TNIP3: variants seen among roughly 807,000 people sequenced by gnomAD.
TNIP3 encodes TNFAIP3 interacting protein 3.
In TNIP3, 34 loss-of-function variants were observed where a neutral mutation model predicts 54.1. The ratio of observed to expected loss-of-function variants is 0.63; its 90% confidence interval spans 0.48 to 0.84. The LOEUF (loss-of-function observed/expected upper bound fraction) is 0.84, where lower values mean the gene tolerates loss of function less well. Among genes scored for constraint, TNIP3 ranks in the 40% least tolerant of loss-of-function variants. The pLI is 0.00. For synonymous variants in TNIP3, 134 were observed against 136.8 expected, an observed-to-expected ratio of 0.98 and a Z score of 0.14; for missense variants, 366 against 387.6, an observed-to-expected ratio of 0.94 and a Z score of 0.47.
intron 2 of TNIP3, among the ~76,000 whole-genome samples, chr4:121,186,416 G>T (rs777970113): frequency 3.3e-5 from 5 of 152,152 alleles, no homozygotes; most frequent in Non-Finnish European, 7.3e-5. Context: ...GATTGACATT[G>T]TCACTGTCAC....
chr4:121,213,499 G>A (rs1726590658), intron 2 of TNIP3, among the ~76,000 whole-genome samples: 1 of 152,060 alleles, frequency 6.6e-6, no homozygotes, highest in South Asian at 2.1e-4. Flanking sequence ...GTCCGAGGCG[G>A]GTGGATCATG....
In TNIP3 at chr4:121,154,584, T is replaced by A; in HGVS notation, c.459A>T (p.Glu153Asp). ...GKNTLANKEKEHYECEIKRLN... is the reference protein window; with the variant it reads ...GKNTLANKEKDHYECEIKRLN... ...GGCGTTTTATTTCACATTCGTAATG[T>A]TCCTTTTCCTTGTTCGCAAGAGTAT... Residue 153 changes from glutamate to aspartate, a missense_variant, in exon 5 of 11, where the codon GAA becomes GAT. Coordinates refer to ENST00000057513, the MANE Select transcript of TNIP3 (RefSeq NM_024873.6). 6.2e-7 allele frequency: 1 copy of A among 1,613,858 alleles called. No individual in the cohort carries two copies. The highest frequency in any genetic ancestry group is 8.5e-7 in the Non-Finnish European group (1 of 1,179,946).
chr4:121,199,433 C>A (rs144378465), intron 2 of TNIP3, among the ~76,000 whole-genome samples: 19 of 152,256 alleles, frequency 1.2e-4, no homozygotes, highest in African/African-American at 3.6e-4. Context: ...AGAAATACTC[C>A]TTTCTGGCAG....
intron 2 of TNIP3, among the ~76,000 whole-genome samples, chr4:121,209,348 G>T (rs1289355494): frequency 6.6e-6 from 1 of 152,200 alleles, no homozygotes; most frequent in Non-Finnish European, 1.5e-5. Context: ...GGTGGTCACT[G>T]GACTTATAAC....
intron 3 of TNIP3, among the ~76,000 whole-genome samples, chr4:121,170,127 T>C (rs1730987733): frequency 6.6e-6 from 1 of 152,238 alleles, no homozygotes; most frequent in African/African-American, 2.4e-5. Flanking sequence ...CTTTATGATC[T>C]CATGGTGCTT....
At chr4:121,154,448 G>T (rs1414145139) in intron 5 of TNIP3, 103 bp downstream of exon 5, 1 of 1,421,838 alleles carries the variant, frequency 7.0e-7, no homozygotes, top group Non-Finnish European at 9.7e-7. Flanking sequence ...AGCCTCCAAG[G>T]CTGGGACCCA....
chr4:121,160,572 G>T (rs1471423506), intron 2 of TNIP3, among the ~76,000 whole-genome samples: 1 of 152,050 alleles, frequency 6.6e-6, no homozygotes, highest in Non-Finnish European at 1.5e-5. Flanking sequence ...GAGTAAAGAG[G>T]TTCTAACATT....
Position 121,158,750 on chromosome 4 carries a change from G to A in TNIP3, c.150C>T (p.Leu50=). 6.2e-7 allele frequency: 1 copy of A among 1,607,982 alleles called. No individual in the cohort carries two copies. Among genetic ancestry groups the A allele is most frequent in the Non-Finnish European group, 8.5e-7 (1 of 1,178,414 alleles). ...GATCCCATTGCTGGTTAACTTCCAG[G>A]AGCTGAAATCATTAAAATTTGGTGA... is the stretch of plus-strand genomic sequence containing the variant. ...IRCLEKQRKE[L]LEVNQQWDQQ... The change falls in exon 3 of 11, where the codon CTC becomes CTT. Residue 50 remains leucine, a splice_region_variant and synonymous_variant. Coordinates refer to ENST00000057513, the MANE Select transcript of TNIP3 (RefSeq NM_024873.6).
At chr4:121,184,569 C>T (rs954963481) in intron 2 of TNIP3, among the ~76,000 whole-genome samples, 1 of 152,116 alleles carries the variant, frequency 6.6e-6, no homozygotes, top group Non-Finnish European at 1.5e-5. Flanking sequence ...TTAGAATCAG[C>T]CCCTTCTAAG....
intron 10 of TNIP3, 33 bp downstream of exon 10, chr4:121,138,591 A>G: frequency 6.3e-7 from 1 of 1,599,868 alleles, no homozygotes; most frequent in Non-Finnish European, 8.6e-7. Flanking sequence ...AGATGTAAAC[A>G]TGAAAGAATG....
intron 2 of TNIP3, chr4:121,182,881 G>T (rs1300280869): frequency 2.2e-6 from 3 of 1,365,766 alleles, no homozygotes; most frequent in Admixed American, 2.2e-5. Context: ...GGATGACATG[G>T]AGGTGTTATT....
At chr4:121,137,017 T>G (rs1213696849) in intron 10 of TNIP3, among the ~76,000 whole-genome samples, 2 of 152,196 alleles carry the variant, frequency 1.3e-5, no homozygotes, top group Non-Finnish European at 2.9e-5. Flanking sequence ...ATACACTGAC[T>G]ACAACATTTC....
chr4:121,180,308 G>A (rs1007865594), intron 3 of TNIP3, among the ~76,000 whole-genome samples: 2 of 152,140 alleles, frequency 1.3e-5, no homozygotes, highest in Non-Finnish European at 2.9e-5. Context: ...GCTGAGGCAG[G>A]AGAATGGCAT....
rs779255035 is a variant in TNIP3, at chr4:121,142,779, A to G, written c.736-3T>C. 22 of 1,611,304 alleles carry G rather than the reference A, an allele frequency of 1.4e-5. No individual in the cohort carries two copies. The Admixed American group carries it at 2.3e-4, about 17-fold the overall frequency. On this transcript the variant is annotated splice_region_variant and splice_polypyrimidine_tract_variant and intron_variant, in intron 7 of 10. Coordinates refer to ENST00000057513, the MANE Select transcript of TNIP3 (RefSeq NM_024873.6). ...TTCTCCATCTGACAAGCTTTTATCT[A>G]AAGACAAAACAAAGGCATTTGTTAA...
chr4:121,178,237 T>C (rs1485848344), intron 3 of TNIP3, among the ~76,000 whole-genome samples: 1 of 152,202 alleles, frequency 6.6e-6, no homozygotes, highest in Non-Finnish European at 1.5e-5. Flanking sequence ...TTAGCTGCAT[T>C]GAACTCCAGT....
Position 121,212,077 on chromosome 4 carries a change from T to C in TNIP3, c.68+4338A>G, listed in dbSNP as rs181400165. 6.3e-4 allele frequency among the ~76,000 whole-genome samples: 96 copies of C among 152,358 alleles called. 1 individual carries two copies. Among genetic ancestry groups the C allele is most frequent in the African/African-American group, 2.1e-3 (88 of 41,582 alleles). Reference sequence around the variant, plus strand: ...TTTTCAACATCTCCCAAACACTTTCTGGCATACAGTAATAGCCTTACAAGT... The same window carrying C: ...TTTTCAACATCTCCCAAACACTTTCCGGCATACAGTAATAGCCTTACAAGT... On this transcript the variant is annotated intron_variant, in intron 2 of 12. Transcript: ENST00000507879.
In TNIP3 at chr4:121,147,164, T is replaced by C; in HGVS notation, c.620A>G (p.Tyr207Cys). 2 of 1,610,530 alleles carry C rather than the reference T, an allele frequency of 1.2e-6. No homozygotes were observed. Among genetic ancestry groups the C allele is most frequent in the Non-Finnish European group, 1.7e-6 (2 of 1,178,778 alleles). Residue 207 changes from tyrosine (Y) to cysteine (C), a missense_variant, in exon 7 of 11, where the codon TAC becomes TGC. Physicochemically the swap from Tyr to Cys is radical, Grantham distance 194 (BLOSUM62 -2). Coordinates refer to ENST00000057513, the MANE Select transcript of TNIP3 (RefSeq NM_024873.6). ...TCGTTCCTTTTTGAAGTCTTCTTCGTATATTTGCACCTAAGAAATATTAGC... is the reference window on the plus strand; with the variant it reads ...TCGTTCCTTTTTGAAGTCTTCTTCGCATATTTGCACCTAAGAAATATTAGC... Reference protein sequence around the residue: ...MEVLKQQVQIYEEDFKKERSD... With the variant: ...MEVLKQQVQICEEDFKKERSD...
intron 2 of TNIP3, among the ~76,000 whole-genome samples, chr4:121,212,596 T>A (rs775780066): frequency 7.9e-5 from 12 of 152,240 alleles, no homozygotes; most frequent in Non-Finnish European, 1.3e-4. Flanking sequence ...TTAAAAATAC[T>A]TATTCATCAG....
chr4:121,206,210 C>T (rs752112797), intron 2 of TNIP3, among the ~76,000 whole-genome samples: 1 of 152,096 alleles, frequency 6.6e-6, no homozygotes, highest in Non-Finnish European at 1.5e-5. Flanking sequence ...TTAGACTAGT[C>T]TTAGGAGATT....
Sources: allele counts gnomAD v4.1 joint callset (sites outside exome capture counted in the v4.1 genomes callset), GRCh38; gene constraint gnomAD v4.1.1; transcripts MANE v1.5; gene names NCBI Gene and HGNC (gene_info 2026-07-23, HGNC 2026-07-21).